Variants in KCTD16 observed in about 807,000 individuals in gnomAD.
KCTD16 encodes BTB/POZ domain-containing protein KCTD16.
A neutral mutation model predicts 33.2 loss-of-function variants in KCTD16; 13 were observed. The observed-to-expected ratio is 0.39, with a 90% CI of 0.25 to 0.62. The LOEUF is 0.62. KCTD16 is among the 20% of genes least tolerant of loss of function. KCTD16 has a pLI of 0.50. For synonymous variants in KCTD16, 197 were observed against 195.3 expected, an observed-to-expected ratio of 1.01 and a Z score of -0.07; for missense variants, 441 against 525.1, an observed-to-expected ratio of 0.84 and a Z score of 1.57.
At chr5:144,365,065 G>A (rs192699371) in intron 3 of KCTD16, among the ~76,000 whole-genome samples, 203 of 150,460 alleles carry the variant, frequency 1.3e-3, no homozygotes, top group Middle Eastern at 3.4e-3. Flanking sequence ...TTTCTTTGAT[G>A]ACAAGTTACC....
At chr5:144,208,279 A>G (rs759397203) in intron 3 of KCTD16, among the ~76,000 whole-genome samples, 1 of 152,256 alleles carries the variant, frequency 6.6e-6, no homozygotes, top group Non-Finnish European at 1.5e-5. Flanking sequence ...AATTACTGAC[A>G]TAAAAGGAAG....
chr5:144,212,104 A>C (rs1753413929), intron 3 of KCTD16, among the ~76,000 whole-genome samples: 1 of 152,176 alleles, frequency 6.6e-6, no homozygotes, highest in African/African-American at 2.4e-5. Context: ...TTCTGATGAA[A>C]AACAAACCGC....
chr5:144,234,506 G>T (rs902969405), intron 3 of KCTD16, among the ~76,000 whole-genome samples: 2 of 152,084 alleles, frequency 1.3e-5, no homozygotes, highest in Non-Finnish European at 2.9e-5. Flanking sequence ...CTCAAATGCT[G>T]AACAAGTGAA....
At chr5:144,382,154 C>T (rs1048939131) in intron 3 of KCTD16, among the ~76,000 whole-genome samples, 25 of 152,112 alleles carry the variant, frequency 1.6e-4, no homozygotes, top group Non-Finnish European at 3.5e-4. Context: ...AACAGAAAAT[C>T]AAATACTACA....
intron 3 of KCTD16, among the ~76,000 whole-genome samples, chr5:144,327,927 T>C (rs1752254555): frequency 6.6e-6 from 1 of 152,186 alleles, no homozygotes; most frequent in African/African-American, 2.4e-5. Context: ...CAAGTATGTC[T>C]TCAGGATACA....
At chr5:144,458,650 G>C (rs1347318528) in intron 3 of KCTD16, among the ~76,000 whole-genome samples, 1 of 152,188 alleles carries the variant, frequency 6.6e-6, no homozygotes, top group Non-Finnish European at 1.5e-5. Context: ...AAATCTATTA[G>C]AGACTCTCAA....
At chr5:144,341,586 C>T (rs937683669) in intron 3 of KCTD16, among the ~76,000 whole-genome samples, 1 of 152,146 alleles carries the variant, frequency 6.6e-6, no homozygotes, top group Non-Finnish European at 1.5e-5. Context: ...TAAACAAAAA[C>T]CACCTTCAAA....
At chr5:144,343,384 C>T (rs946016056) in intron 3 of KCTD16, among the ~76,000 whole-genome samples, 2 of 152,094 alleles carry the variant, frequency 1.3e-5, no homozygotes, top group Non-Finnish European at 2.9e-5. Flanking sequence ...TTGTAGTATT[C>T]TCTGATGGTA....
chr5:144,330,541 C>G (rs1752333423), intron 3 of KCTD16, among the ~76,000 whole-genome samples: 3 of 151,422 alleles, frequency 2.0e-5, no homozygotes, highest in Non-Finnish European at 4.4e-5. Context: ...TCTCTTTGTA[C>G]CAGGTATTGT....
chr5:144,473,618 C>A, intron 3 of KCTD16, 42 bp from the exon 4 acceptor site: 2 of 1,531,432 alleles, frequency 1.3e-6, no homozygotes, highest in South Asian at 1.2e-5. Flanking sequence ...TCCAACTGAC[C>A]TGGCTGGCAT....
chr5:144,417,759 GT>G (rs1432175721), intron 3 of KCTD16, among the ~76,000 whole-genome samples: 2 of 151,732 alleles, frequency 1.3e-5, no homozygotes, highest in African/African-American at 2.4e-5. Context: ...ATCCTTTTGA[GT>G]TTTTTTTGGG....
chr5:144,223,672 C>T (rs1373272766), intron 3 of KCTD16, among the ~76,000 whole-genome samples: 1 of 151,638 alleles, frequency 6.6e-6, no homozygotes, highest in East Asian at 1.9e-4. Context: ...TCCTAGGCTG[C>T]GTACTTTATA....
intron 3 of KCTD16, among the ~76,000 whole-genome samples, chr5:144,337,560 A>C (rs945766223): frequency 2.0e-5 from 3 of 152,184 alleles, no homozygotes; most frequent in African/African-American, 7.2e-5. Context: ...TGTGATGTAC[A>C]TTGTTTATAG....
chr5:144,323,875 C>T (rs889282157), intron 3 of KCTD16, among the ~76,000 whole-genome samples: 14 of 152,144 alleles, frequency 9.2e-5, no homozygotes, highest in African/African-American at 2.9e-4. Context: ...ATAAACAGAT[C>T]ACTTGAATTC....
intron 3 of KCTD16, among the ~76,000 whole-genome samples, chr5:144,380,592 A>T (rs1752192080): frequency 6.6e-6 from 1 of 152,178 alleles, no homozygotes; most frequent in Non-Finnish European, 1.5e-5. Context: ...TTCAAACTAC[A>T]TTATGAGGCT....
At chr5:144,400,578 A>T (rs985598860) in intron 3 of KCTD16, among the ~76,000 whole-genome samples, 4 of 152,130 alleles carry the variant, frequency 2.6e-5, no homozygotes, top group African/African-American at 9.7e-5. Context: ...TGTGGAAGGG[A>T]CCTTAGAAAT....
At chr5:144,304,469 C>T (rs1751536621) in intron 3 of KCTD16, among the ~76,000 whole-genome samples, 1 of 152,044 alleles carries the variant, frequency 6.6e-6, no homozygotes, top group Non-Finnish European at 1.5e-5. Flanking sequence ...CGGAGGAAAG[C>T]CTAAAAGAAT....
At chr5:144,253,992 A>G (rs1393312594) in intron 3 of KCTD16, among the ~76,000 whole-genome samples, 2 of 152,182 alleles carry the variant, frequency 1.3e-5, no homozygotes, top group Non-Finnish European at 2.9e-5. Flanking sequence ...TGACTCCCGC[A>G]TGGGACTTGG....
chr5:144,398,989 G>T (rs1190729919), intron 3 of KCTD16, among the ~76,000 whole-genome samples: 3 of 152,026 alleles, frequency 2.0e-5, no homozygotes, highest in Non-Finnish European at 2.9e-5. Context: ...ATCTCCAAGG[G>T]AAATCTCTAA....
Sources: allele counts gnomAD v4.1 joint callset (sites outside exome capture counted in the v4.1 genomes callset), GRCh38; gene constraint gnomAD v4.1.1; transcripts MANE v1.5; gene names NCBI Gene and HGNC (gene_info 2026-07-23, HGNC 2026-07-21).